Variants in APOC4 observed in about 807,000 individuals in gnomAD.
APOC4 encodes the protein apolipoprotein C-IV.
APOC4 carries 10 observed loss-of-function variants against 8.4 expected under a neutral mutation model. The observed-to-expected ratio is 1.19, with a 90% CI of 0.74 to 2.03. The LOEUF (loss-of-function observed/expected upper bound fraction) is 2.03. Among genes scored for constraint, APOC4 ranks in the 30% most tolerant of loss-of-function variants. The pLI is 0.00. For missense variants in APOC4, 160 were observed against 156.1 expected (o/e 1.02, Z -0.13); for synonymous variants, 59 against 65.8 (o/e 0.90, Z 0.50).
In APOC4 at chr19:44,944,851, C is replaced by T; in HGVS notation, c.179C>T (p.Thr60Ile). 1 of 1,608,174 alleles carries T rather than the reference C, an allele frequency of 6.2e-7. No homozygotes were observed. The change falls in exon 2 of 3, where the codon ACA (threonine) becomes ATA (isoleucine). Residue 60 changes from threonine to isoleucine, a missense_variant. Thr to Ile is a moderately conservative substitution (Grantham distance 89). Transcript: ENST00000592954. ...GGCAGGATGAAGGAGCTGCTGGAGA[C>T]AGTGGTGAACAGGACCAGAGACGGG... ...VRGRMKELLE[T>I]VVNRTRDGWQ...
At chr19:44,942,394 G>A (rs372041967) in intron 1 of APOC4, 41 bp downstream of exon 1, 1 of 1,592,716 alleles carries the variant, frequency 6.3e-7, no homozygotes, top group Non-Finnish European at 8.6e-7. Context: ...CCCACACCTG[G>A]TGGGTGTGAG....
At position 44,945,264 on chromosome 19, in the gene APOC4, C is replaced by CTG; in HGVS notation, c.346_347dup (p.Pro117AlafsTer27). ...CAGCCTCTTGAAGAAGACCCACAGC[C>CTG]TGTGCCCCAGGCTTGTCTGTGGGGA... On this transcript the variant is annotated frameshift_variant, in exon 3 of 3. Transcript: ENST00000592954. LOFTEE classifies it low-confidence loss of function (END_TRUNC). The CTG allele has an allele frequency of 6.2e-7, 1 of 1,614,040 alleles. No individual in the cohort carries two copies. Among genetic ancestry groups the CTG allele is most frequent in the Non-Finnish European group, 8.5e-7 (1 of 1,179,998 alleles).
chr19:44,944,761 A>C lies in APOC4; in HGVS notation c.89A>C (p.Glu30Ala). ...VLACIGACQPEAQEGTLSPPP... is the reference protein window; with the variant it reads ...VLACIGACQPAAQEGTLSPPP... ...TGGTTCCACCTAGCATGCCAGCCAG[A>C]GGCCCAGGAAGGAACCCTGAGCCCC... The change falls in exon 2 of 3, where the codon GAG (glutamate) becomes GCG (alanine). Residue 30 changes from glutamate to alanine, a missense_variant. Glu to Ala is a moderately radical substitution (Grantham distance 107). Coordinates refer to ENST00000592954, the MANE Select transcript of APOC4 (RefSeq NM_001646.3). The C allele has an allele frequency of 6.2e-7, 1 of 1,611,602 alleles. No individual in the cohort carries two copies. Among genetic ancestry groups the C allele is most frequent in the Non-Finnish European group, 8.5e-7 (1 of 1,179,194 alleles).
In APOC4 at chr19:44,945,423, C is replaced by T. The variant is rs1172676723; in HGVS notation, c.*118C>T. On this transcript the variant is annotated 3_prime_UTR_variant, in exon 3 of 3. Transcript: ENST00000592954. ...TTCGAGACCAGCCTGGGCAACACAG[C>T]GAGATCTCTTGGGGGTAAAACAAAA... is the stretch of plus-strand genomic sequence containing the variant. 14 of 992,738 alleles carry T rather than the reference C, an allele frequency of 1.4e-5. No individual in the cohort carries two copies. The highest frequency in any genetic ancestry group is 5.1e-5 in the East Asian group (2 of 39,308). The allele number at this position is 992,738 out of a possible 1,614,324, so 61.5% of individuals were successfully genotyped here.
At chr19:44,944,460 G>A (rs1195511419) in intron 1 of APOC4, among the ~76,000 whole-genome samples, 1 of 151,908 alleles carries the variant, frequency 6.6e-6, no homozygotes, top group African/African-American at 2.4e-5. Context: ...CCAGGAGGTG[G>A]AGGTTGCAAT....
chr19:44,943,821 T>C (rs1009656724), intron 1 of APOC4, among the ~76,000 whole-genome samples: 1 of 152,252 alleles, frequency 6.6e-6, no homozygotes, highest in South Asian at 2.1e-4. Context: ...ACGATAACCC[T>C]GAGGTAGATA....
At chr19:44,944,670 A>G in intron 1 of APOC4, 79 bp from the exon 2 acceptor site, 1 of 1,497,160 alleles carries the variant, frequency 6.7e-7, no homozygotes, top group Non-Finnish European at 8.9e-7. Context: ...CGGGAGCGAC[A>G]CAGGATGAGC....
rs13306210 is a variant in APOC4, at chr19:44,942,329, G to A, written c.52G>A (p.Val18Met). ...GGCCCTGCCTGCCCTGTGCCTCTGC[G>A]TGCTGGTCCTGGCCTGCATTGGGGG... ...LQALPALCLC[V>M]LVLACIGACQ... The change falls in exon 1 of 3, where the codon GTG becomes ATG. Residue 18 changes from valine to methionine, a missense_variant. Val to Met is a conservative substitution (Grantham distance 21). Transcript: ENST00000592954. 2.2e-3 allele frequency: 3,502 copies of A among 1,613,698 alleles called. 49 individuals carry two copies. In the East Asian group the frequency reaches 0.034, roughly 16 times the overall value.
In APOC4 at chr19:44,945,186, C is replaced by T; in HGVS notation, c.265C>T (p.His89Tyr). 1.2e-6 allele frequency: 2 copies of T among 1,614,118 alleles called. No homozygotes were observed. Among genetic ancestry groups the T allele is most frequent in the Non-Finnish European group, 8.5e-7 (1 of 1,180,020 alleles). Residue 89 changes from histidine to tyrosine, a missense_variant, in exon 3 of 3, where the codon CAC becomes TAC. His to Tyr is a moderately conservative substitution (Grantham distance 83). Coordinates refer to ENST00000592954, the MANE Select transcript of APOC4 (RefSeq NM_001646.3). ...RGFMQTYYDD[H>Y]LRDLGPLTKA... ...CTTCATGCAGACCTACTATGACGAC[C>T]ACCTGAGGGACCTGGGTCCGCTCAC... is the stretch of plus-strand genomic sequence containing the variant.
In APOC4 at chr19:44,944,816, C is replaced by G. The variant is rs943523396; in HGVS notation, c.144C>G (p.Ser48Arg). ...PPPKLKMSRW[S>R]LVRGRMKELL... ...CAAAGCTAAAGATGAGTCGCTGGAGCCTGGTGAGGGGCAGGATGAAGGAGC... is the reference window on the plus strand; with the variant it reads ...CAAAGCTAAAGATGAGTCGCTGGAGGCTGGTGAGGGGCAGGATGAAGGAGC... Residue 48 changes from serine (S) to arginine (R), a missense_variant, in exon 2 of 3, where the codon AGC (serine) becomes AGG (arginine). Coordinates refer to ENST00000592954, the MANE Select transcript of APOC4 (RefSeq NM_001646.3). 11 of 1,610,026 alleles carry G rather than the reference C, an allele frequency of 6.8e-6. No homozygotes were observed. Among genetic ancestry groups the G allele is most frequent in the Middle Eastern group, 1.7e-4 (1 of 6,014 alleles).
intron 2 of APOC4, 90 bp downstream of exon 2, chr19:44,944,980 A>AG: frequency 6.5e-7 from 1 of 1,527,118 alleles, no homozygotes; most frequent in Non-Finnish European, 8.8e-7. Context: ...CTCAGGGAGG[A>AG]GGAAAGGGTG....
In APOC4 at chr19:44,945,129, C is replaced by G. The variant is rs1268233425; in HGVS notation, c.219-11C>G. The G allele has an allele frequency of 1.2e-6, 2 of 1,612,304 alleles. No homozygotes were observed. The highest frequency in any genetic ancestry group is 1.7e-5 in the Admixed American group (1 of 59,602). On this transcript the variant is annotated splice_polypyrimidine_tract_variant and intron_variant, in intron 2 of 2. Coordinates refer to ENST00000592954, the MANE Select transcript of APOC4 (RefSeq NM_001646.3). ...GCTGGGGCCTCCACTGTGATGTCCT[C>G]TCTCCTGTAGGAGCCCGAGCACCTT...
At chr19:44,943,790 A>G (rs1970285795) in intron 1 of APOC4, among the ~76,000 whole-genome samples, 1 of 152,136 alleles carries the variant, frequency 6.6e-6, no homozygotes, top group Non-Finnish European at 1.5e-5. Flanking sequence ...TGTGCATCGT[A>G]TGTAGTAACT....
intron 1 of APOC4, 67 bp downstream of exon 1, chr19:44,942,420 T>A: frequency 6.6e-7 from 1 of 1,513,038 alleles, no homozygotes; most frequent in Non-Finnish European, 9.1e-7. Context: ...CTGTGTGTCC[T>A]GTGGCTCTGT....
Position 44,942,299 on chromosome 19 carries a change from C to CTCCA in APOC4, c.23_26dup (p.Gln9HisfsTer80). The CTCCA allele has an allele frequency of 6.2e-7, 1 of 1,613,094 alleles. No homozygotes were observed. ...AGAAATGTCCCTCCTCAGAAACAGG[C>CTCCA]TCCAGGCCCTGCCTGCCCTGTGCCT... On this transcript the variant is annotated frameshift_variant, in exon 1 of 3. Coordinates refer to ENST00000592954, the MANE Select transcript of APOC4 (RefSeq NM_001646.3). LOFTEE classifies it high-confidence loss of function.
At chr19:44,943,777 C>T (rs1970285606) in intron 1 of APOC4, among the ~76,000 whole-genome samples, 1 of 152,108 alleles carries the variant, frequency 6.6e-6, no homozygotes, top group African/African-American at 2.4e-5. Flanking sequence ...AGGCACCATT[C>T]CATGTGCATC....
intron 1 of APOC4, among the ~76,000 whole-genome samples, chr19:44,943,063 A>G (rs548362170): frequency 2.1e-4 from 32 of 152,222 alleles, no homozygotes; most frequent in South Asian, 2.1e-3. Flanking sequence ...CTGGGACTAC[A>G]GGAGCCCACC....
intron 1 of APOC4, among the ~76,000 whole-genome samples, chr19:44,942,739 G>A (rs1401245393): frequency 2.0e-5 from 3 of 150,952 alleles, no homozygotes; most frequent in Admixed American, 6.6e-5. Flanking sequence ...GTACGTCTGT[G>A]TTTTGCATAT....
chr19:44,944,788 C>T lies in APOC4; in HGVS notation c.116C>T (p.Pro39Leu), dbSNP rs780724569. The T allele has an allele frequency of 3.1e-6, 5 of 1,611,824 alleles. No individual in the cohort carries two copies. The highest frequency in any genetic ancestry group is 2.2e-5 in the East Asian group (1 of 44,784). ...GCCCAGGAAGGAACCCTGAGCCCCC[C>T]ACCAAAGCTAAAGATGAGTCGCTGG... ...PEAQEGTLSPPPKLKMSRWSL... is the reference protein window; with the variant it reads ...PEAQEGTLSPLPKLKMSRWSL... Residue 39 changes from proline to leucine, a missense_variant, in exon 2 of 3, where the codon CCA becomes CTA. Coordinates refer to ENST00000592954, the MANE Select transcript of APOC4 (RefSeq NM_001646.3).
Sources: gnomAD v4.1 joint callset for allele counts (sites outside exome capture counted in the v4.1 genomes callset) on GRCh38, gnomAD v4.1.1 for gene constraint, MANE v1.5 for transcripts, NCBI Gene and HGNC (gene_info 2026-07-23, HGNC 2026-07-21) for gene names.